Variants in SDHAF3 observed in about 807,000 individuals in gnomAD.
SDHAF3 encodes succinate dehydrogenase assembly factor 3, mitochondrial.
In SDHAF3, 18 loss-of-function variants were observed where a neutral mutation model predicts 11.5. The ratio of observed to expected loss-of-function variants is 1.56; its 90% CI spans 1.08 to 2.32. The LOEUF (loss-of-function observed/expected upper bound fraction) is 2.32. Ranked by LOEUF, SDHAF3 falls within the 30% of genes most tolerant of loss-of-function variation. The probability of loss-of-function intolerance (pLI) is 0.00; values close to 1 mark genes in which losing one functional copy is unlikely to be tolerated. For synonymous variants in SDHAF3, 72 were observed against 59.3 expected, an observed-to-expected ratio of 1.21 and a Z score of -0.99; for missense variants, 200 against 154.4, an observed-to-expected ratio of 1.30 and a Z score of -1.57.
chr7:97,171,826 C>T (rs1248388239), intron 1 of SDHAF3, among the ~76,000 whole-genome samples: 1 of 151,920 alleles, frequency 6.6e-6, no homozygotes, highest in Non-Finnish European at 1.5e-5. Flanking sequence ...TTAGAAAACA[C>T]AGATGAGCAA....
intron 1 of SDHAF3, among the ~76,000 whole-genome samples, chr7:97,169,297 C>G (rs534835994): frequency 6.9e-6 from 1 of 145,594 alleles, no homozygotes; most frequent in African/African-American, 2.5e-5. Flanking sequence ...GCAACAAGAG[C>G]GAAACTGTCT....
chr7:97,147,908 A>T (rs982833900), intron 1 of SDHAF3, among the ~76,000 whole-genome samples: 1 of 151,912 alleles, frequency 6.6e-6, no homozygotes. Flanking sequence ...TTATTTATTT[A>T]TTTATTTTTA....
intron 1 of SDHAF3, among the ~76,000 whole-genome samples, chr7:97,123,843 GTTT>G (rs200490106): frequency 2.1e-5 from 3 of 144,038 alleles, no homozygotes; most frequent in East Asian, 4.1e-4. Context: ...TTTTGGATGG[GTTT>G]TTTTTTTTTC....
intron 1 of SDHAF3, among the ~76,000 whole-genome samples, chr7:97,161,891 C>G (rs1438257903): frequency 6.6e-6 from 1 of 152,204 alleles, no homozygotes; most frequent in Non-Finnish European, 1.5e-5. Context: ...ATGCAGTAAA[C>G]ATACATGTGC....
intron 1 of SDHAF3, among the ~76,000 whole-genome samples, chr7:97,146,387 A>C (rs1404395421): frequency 6.6e-6 from 1 of 152,220 alleles, no homozygotes; most frequent in African/African-American, 2.4e-5. Flanking sequence ...TAGAACTATG[A>C]AACAGTTCTT....
chr7:97,167,574 G>C (rs147171343), intron 1 of SDHAF3, among the ~76,000 whole-genome samples: 8 of 152,192 alleles, frequency 5.3e-5, no homozygotes, highest in African/African-American at 1.9e-4. Flanking sequence ...ACACATAGTC[G>C]GCTGTACAGG....
At chr7:97,153,230 C>A (rs1432265348) in intron 1 of SDHAF3, among the ~76,000 whole-genome samples, 1 of 152,182 alleles carries the variant, frequency 6.6e-6, no homozygotes, top group African/African-American at 2.4e-5. Context: ...AAGGTGGTTT[C>A]TCCACTGATC....
chr7:97,141,172 C>T (rs1789031387), intron 1 of SDHAF3, among the ~76,000 whole-genome samples: 1 of 152,182 alleles, frequency 6.6e-6, no homozygotes, highest in African/African-American at 2.4e-5. Context: ...GACCGGTTGT[C>T]TGCTCTCAAA....
At chr7:97,168,437 A>C (rs7791596) in intron 1 of SDHAF3, among the ~76,000 whole-genome samples, 150,549 of 152,296 alleles carry the variant, frequency 0.99, 74,437 homozygotes, top group South Asian at 1. Flanking sequence ...ATATTTGTTT[A>C]AAACTGTAAA....
chr7:97,165,286 CA>C (rs762792558), intron 1 of SDHAF3, among the ~76,000 whole-genome samples: 6 of 139,684 alleles, frequency 4.3e-5, no homozygotes, highest in Non-Finnish European at 9.2e-5. Context: ...GACTCCGTCT[CA>C]AAGAAAATAT....
chr7:97,179,029 G>C (rs1332107413), intron 1 of SDHAF3, among the ~76,000 whole-genome samples: 1 of 152,008 alleles, frequency 6.6e-6, no homozygotes, highest in African/African-American at 2.4e-5. Context: ...TAGAAGATGG[G>C]GTGTCTAACT....
intron 1 of SDHAF3, chr7:97,142,956 G>A (rs1378236869): frequency 6.9e-6 from 1 of 145,388 alleles, no homozygotes; most frequent in African/African-American, 2.6e-5. Flanking sequence ...GAGTGCAGTG[G>A]TGTGATCTTG....
chr7:97,130,255 G>T (rs1791646776), intron 1 of SDHAF3, among the ~76,000 whole-genome samples: 1 of 145,630 alleles, frequency 6.9e-6, no homozygotes, highest in Non-Finnish European at 1.5e-5. Flanking sequence ...CTCGGTGACG[G>T]AGTGATACCC....
rs1297442131 is a variant in SDHAF3, at chr7:97,140,510, C to T, written c.174+22613C>T. 4.0e-5 allele frequency among the ~76,000 whole-genome samples: 6 copies of T among 151,744 alleles called. No homozygotes were observed. In the East Asian group the frequency reaches 5.8e-4, roughly 15 times the overall value. ...ACATGTTGCAGGAAGTCAGGGACCC[C>T]GAATGGAGGGACCAGCTGAAGCCAT... On this transcript the variant is annotated intron_variant, in intron 1 of 1. Coordinates refer to ENST00000432641, the MANE Select transcript of SDHAF3 (RefSeq NM_020186.3).
At chr7:97,141,248 T>C (rs1333546322) in intron 1 of SDHAF3, among the ~76,000 whole-genome samples, 1 of 152,130 alleles carries the variant, frequency 6.6e-6, no homozygotes, top group Admixed American at 6.6e-5. Flanking sequence ...CAATTTTAAT[T>C]TCACCCCAGT....
At chr7:97,149,497 G>T (rs1789185188) in intron 1 of SDHAF3, among the ~76,000 whole-genome samples, 1 of 152,182 alleles carries the variant, frequency 6.6e-6, no homozygotes, top group Non-Finnish European at 1.5e-5. Context: ...ATACCTTGGA[G>T]ATATTGTGAT....
intron 1 of SDHAF3, among the ~76,000 whole-genome samples, chr7:97,148,166 A>G (rs1789164732): frequency 6.6e-6 from 1 of 152,174 alleles, no homozygotes; most frequent in Non-Finnish European, 1.5e-5. Context: ...CTAGGATTAC[A>G]GATGTGAGCC....
chr7:97,157,355 A>C (rs537333897), intron 1 of SDHAF3, among the ~76,000 whole-genome samples: 2 of 152,264 alleles, frequency 1.3e-5, no homozygotes, highest in South Asian at 4.1e-4. Context: ...TGGAATTCCA[A>C]CCTTGTAGTT....
chr7:97,122,012 T>C (rs911313285), intron 1 of SDHAF3, among the ~76,000 whole-genome samples: 6 of 151,980 alleles, frequency 3.9e-5, no homozygotes, highest in Non-Finnish European at 1.5e-5. Context: ...CGCCCACCAC[T>C]GCGCCCAGCT....
Sources: allele counts gnomAD v4.1 joint callset (sites outside exome capture counted in the v4.1 genomes callset), GRCh38; gene constraint gnomAD v4.1.1; transcripts MANE v1.5; gene names NCBI Gene and HGNC (gene_info 2026-07-23, HGNC 2026-07-21).